The following RSRC1 variants were observed in gnomAD, a reference collection of about 807,000 sequenced individuals.
RSRC1 encodes the protein arginine and serine rich coiled-coil 1.
A neutral mutation model predicts 49.1 loss-of-function variants in RSRC1; 39 were observed. That is an observed-to-expected ratio of 0.79 (90% CI 0.61 to 1.04). The LOEUF is 1.04. RSRC1 is among the 50% of genes least tolerant of loss of function. The probability of loss-of-function intolerance (pLI) is 0.00; values close to 1 mark genes in which losing one functional copy is unlikely to be tolerated. For missense variants in RSRC1, 388 were observed against 402.4 expected, an observed-to-expected ratio of 0.96 and a Z score of 0.31; for synonymous variants, 143 against 130.8, an observed-to-expected ratio of 1.09 and a Z score of -0.63.
rs1160158421 is a variant in RSRC1, at chr3:158,181,097, C to T, written c.321-21975C>T. Reference sequence around the variant, plus strand: ...GGGATTACAGGCGTGAGCCACCGCCCCTGGCCCTATGTACGTTTTTAAAAG... The same window carrying T: ...GGGATTACAGGCGTGAGCCACCGCCTCTGGCCCTATGTACGTTTTTAAAAG... On this transcript the variant is annotated intron_variant, in intron 3 of 9. Transcript: ENST00000611884. 3.9e-5 allele frequency among the ~76,000 whole-genome samples: 6 copies of T among 152,196 alleles called. No individual in the cohort carries two copies. In the East Asian group the frequency reaches 1.2e-3, roughly 29 times the overall value.
chr3:158,327,915 C>T (rs1729268160), intron 5 of RSRC1, among the ~76,000 whole-genome samples: 1 of 152,102 alleles, frequency 6.6e-6, no homozygotes, highest in African/African-American at 2.4e-5. Flanking sequence ...TGTGGGTGCT[C>T]CTGTATTGGG....
intron 5 of RSRC1, among the ~76,000 whole-genome samples, chr3:158,343,347 A>G (rs1402266521): frequency 3.9e-5 from 6 of 152,218 alleles, no homozygotes; most frequent in East Asian, 1.9e-4. Flanking sequence ...TTCCAAGTCT[A>G]CTTATAGGAA....
At chr3:158,510,284 C>A (rs1740085290) in intron 7 of RSRC1, among the ~76,000 whole-genome samples, 1 of 152,100 alleles carries the variant, frequency 6.6e-6, no homozygotes, top group Non-Finnish European at 1.5e-5. Context: ...TTTTTAATTA[C>A]ATGTTTCTAT....
At chr3:158,284,655 A>G (rs977783751) in intron 4 of RSRC1, among the ~76,000 whole-genome samples, 6 of 148,986 alleles carry the variant, frequency 4.0e-5, no homozygotes, top group Non-Finnish European at 7.4e-5. Context: ...GATGGTGAGC[A>G]TTTTTTCATG....
intron 6 of RSRC1, among the ~76,000 whole-genome samples, chr3:158,456,201 C>T (rs1737307662): frequency 6.6e-6 from 1 of 151,976 alleles, no homozygotes; most frequent in African/African-American, 2.4e-5. Flanking sequence ...ATGAGGAACG[C>T]ACTTCTTGCA....
chr3:158,403,334 C>A (rs1733988608), intron 6 of RSRC1, among the ~76,000 whole-genome samples: 1 of 151,748 alleles, frequency 6.6e-6, no homozygotes, highest in South Asian at 2.1e-4. Context: ...TTTGTTGAAG[C>A]TTTGCATTCA....
intron 5 of RSRC1, among the ~76,000 whole-genome samples, chr3:158,337,174 C>T (rs986226653): frequency 1.3e-5 from 2 of 152,160 alleles, no homozygotes; most frequent in East Asian, 1.9e-4. Flanking sequence ...AGGAGTGTCC[C>T]GCTTCCCACG....
chr3:158,391,843 A>G (rs1308297176), intron 6 of RSRC1, among the ~76,000 whole-genome samples: 1 of 152,098 alleles, frequency 6.6e-6, no homozygotes, highest in African/African-American at 2.4e-5. Context: ...CTAGTTTGAG[A>G]TATTTTTCAC....
At chr3:158,453,029 T>A (rs1340234607) in intron 6 of RSRC1, among the ~76,000 whole-genome samples, 2 of 152,200 alleles carry the variant, frequency 1.3e-5, no homozygotes, top group Non-Finnish European at 2.9e-5. Context: ...ACTTGCTTTT[T>A]TATTTAATAT....
At chr3:158,219,790 A>G (rs902884593) in intron 4 of RSRC1, among the ~76,000 whole-genome samples, 3 of 151,592 alleles carry the variant, frequency 2.0e-5, no homozygotes, top group African/African-American at 7.3e-5. Flanking sequence ...ATGTTACCTA[A>G]GTGGATCTTG....
intron 7 of RSRC1, among the ~76,000 whole-genome samples, chr3:158,474,314 C>T (rs1373278191): frequency 6.6e-6 from 1 of 152,154 alleles, no homozygotes; most frequent in Non-Finnish European, 1.5e-5. Flanking sequence ...TAAAAGTGTG[C>T]AATAGCATTA....
At chr3:158,116,000 C>T (rs1405930504) in intron 1 of RSRC1, among the ~76,000 whole-genome samples, 1 of 152,184 alleles carries the variant, frequency 6.6e-6, no homozygotes, top group Non-Finnish European at 1.5e-5. Context: ...GGTTTTGTGA[C>T]ATTTTGCATT....
At chr3:158,465,397 T>C (rs571340637) in intron 7 of RSRC1, among the ~76,000 whole-genome samples, 3 of 152,094 alleles carry the variant, frequency 2.0e-5, no homozygotes, top group Non-Finnish European at 2.9e-5. Context: ...AGAACTGTTA[T>C]AATCCCTTCT....
chr3:158,136,347 C>A (rs1716376426), intron 3 of RSRC1, among the ~76,000 whole-genome samples: 1 of 152,136 alleles, frequency 6.6e-6, no homozygotes, highest in Non-Finnish European at 1.5e-5. Context: ...TTACCATGCT[C>A]TAAAATAGTT....
At chr3:158,125,303 G>T (rs78533610) in intron 3 of RSRC1, among the ~76,000 whole-genome samples, 2 of 151,530 alleles carry the variant, frequency 1.3e-5, no homozygotes, top group African/African-American at 2.4e-5. Context: ...TTAGTTCCTT[G>T]AAGTATTAAG....
chr3:158,499,337 A>G (rs1368235476), intron 7 of RSRC1, among the ~76,000 whole-genome samples: 5 of 152,108 alleles, frequency 3.3e-5, no homozygotes, highest in Non-Finnish European at 7.4e-5. Context: ...AGATTGTGCC[A>G]CTGCACTCCA....
intron 7 of RSRC1, among the ~76,000 whole-genome samples, chr3:158,503,032 G>A (rs757785114): frequency 3.3e-5 from 5 of 152,148 alleles, no homozygotes; most frequent in Non-Finnish European, 5.9e-5. Flanking sequence ...CAGAGGGAAG[G>A]TCTAGGGCTG....
chr3:158,329,844 G>GAGGC (rs1216068492), intron 5 of RSRC1, among the ~76,000 whole-genome samples: 5 of 152,328 alleles, frequency 3.3e-5, no homozygotes, highest in Middle Eastern at 3.4e-3. Context: ...GGAGTCTACA[G>GAGGC]AGGCAGGCAG....
At chr3:158,425,937 G>A (rs11719124) in intron 6 of RSRC1, among the ~76,000 whole-genome samples, 32,638 of 151,582 alleles carry the variant, frequency 0.22, 4,104 homozygotes, top group Non-Finnish European at 0.29. Flanking sequence ...AAAAACTATA[G>A]TAATTAAAAT....
Sources: gnomAD v4.1 joint callset for allele counts (sites outside exome capture counted in the v4.1 genomes callset) on GRCh38, gnomAD v4.1.1 for gene constraint, MANE v1.5 for transcripts, NCBI Gene and HGNC (gene_info 2026-07-23, HGNC 2026-07-21) for gene names.